ZNF615: variants seen among roughly 807,000 people sequenced by gnomAD.
ZNF615 encodes the protein zinc finger protein 615.
Under a neutral mutation model 15.3 loss-of-function variants are expected in ZNF615, and 15 were observed. The observed-to-expected ratio is 0.98, with a 90% CI of 0.66 to 1.51. The LOEUF (loss-of-function observed/expected upper bound fraction) is 1.51. Among genes scored for constraint, ZNF615 ranks in the 40% most tolerant of loss-of-function variants. ZNF615 has a pLI of 0.00. For synonymous variants in ZNF615, 268 were observed against 294.6 expected, an observed-to-expected ratio of 0.91 and a Z score of 0.92; for missense variants, 848 against 895.9, an observed-to-expected ratio of 0.95 and a Z score of 0.68.
At chr19:52,001,165 CGGAGAGGCCT>C (rs1429416122) in intron 5 of ZNF615, among the ~76,000 whole-genome samples, 1 of 151,826 alleles carries the variant, frequency 6.6e-6, no homozygotes, top group East Asian at 1.9e-4. Flanking sequence ...TCTCTCTTTC[CGGAGAGGCCT>C]GGAAAATGGA....
chr19:52,002,565 C>T (rs1166161909), intron 3 of ZNF615: 2 of 492,762 alleles, frequency 4.1e-6, no homozygotes, highest in Non-Finnish European at 7.9e-6. Context: ...TTTCCCAATA[C>T]CAAACTAGTC....
At chr19:52,003,317 T>C (rs1054211378) in intron 3 of ZNF615, among the ~76,000 whole-genome samples, 19 of 152,170 alleles carry the variant, frequency 1.2e-4, no homozygotes. Context: ...CCACCTACCA[T>C]AACACCTCCG....
chr19:51,994,786 A>G lies in ZNF615; in HGVS notation c.323T>C (p.Ile108Thr). ...PLQHHLQNQS[I>T]QKSVKQCHEQ... Reference sequence around the variant, plus strand: ...ATGGCACTGTTTCACACTCTTCTGAATACTTTGATTTTGCAAGTGATGCTG... The same window carrying G: ...ATGGCACTGTTTCACACTCTTCTGAGTACTTTGATTTTGCAAGTGATGCTG... The change falls in exon 7 of 7, where the codon ATT becomes ACT. Residue 108 changes from isoleucine (I) to threonine (T), a missense_variant. Coordinates refer to ENST00000598071, the MANE Select transcript of ZNF615 (RefSeq NM_001199324.2). 1 of 1,603,602 alleles carries G rather than the reference A, an allele frequency of 6.2e-7. No homozygotes were observed. The highest frequency in any genetic ancestry group is 1.1e-5 in the South Asian group (1 of 88,170).
intron 3 of ZNF615, 139 bp downstream of exon 3, chr19:52,003,558 C>T: frequency 1.3e-6 from 1 of 750,010 alleles, no homozygotes; most frequent in Non-Finnish European, 2.2e-6. Flanking sequence ...AATAATATAT[C>T]CCTGATCCTT....
chr19:52,006,670 T>TG lies in ZNF615; in HGVS notation c.-190+622_-190+623insC, dbSNP rs201192487. On this transcript the variant is annotated intron_variant, in intron 2 of 6. Coordinates refer to ENST00000598071, the MANE Select transcript of ZNF615 (RefSeq NM_001199324.2). ...AAATCGACAACAAATAAGGAATGATTCACAAACAGAGGAATGGATGAATAC... is the reference window on the plus strand; with the variant it reads ...AAATCGACAACAAATAAGGAATGATTGCACAAACAGAGGAATGGATGAATAC... 8.5e-3 allele frequency among the ~76,000 whole-genome samples: 1,287 copies of TG among 152,296 alleles called. 13 individuals carry two copies. Among genetic ancestry groups the TG allele is most frequent in the Admixed American group, 0.017 (258 of 15,298 alleles).
At chr19:52,000,305 A>T (rs1481405312) in intron 6 of ZNF615, 41 bp downstream of exon 6, 3 of 596,246 alleles carry the variant, frequency 5.0e-6, no homozygotes, top group Admixed American at 2.3e-5. Flanking sequence ...TTGAGCTTCT[A>T]GTGAATCCTC....
intron 5 of ZNF615, 181 bp downstream of exon 5, chr19:52,001,632 A>G (rs1048190086): frequency 3.3e-5 from 19 of 573,244 alleles, no homozygotes; most frequent in Middle Eastern, 9.3e-4. Context: ...AAAAAAAAAA[A>G]AAAGAAAAGA....
intron 6 of ZNF615, among the ~76,000 whole-genome samples, chr19:51,996,581 T>A (rs1378581867): frequency 6.6e-6 from 1 of 152,048 alleles, no homozygotes. Flanking sequence ...GTTGAATATA[T>A]AAATCTCGAA....
At chr19:52,001,246 CAGATTTGAAA>C (rs2123056824) in intron 5 of ZNF615, among the ~76,000 whole-genome samples, 1 of 152,060 alleles carries the variant, frequency 6.6e-6, no homozygotes, top group Non-Finnish European at 1.5e-5. Context: ...CAAGAAAAGG[CAGATTTGAAA>C]ATCCTAAGAA....
At position 51,992,635 on chromosome 19, in the gene ZNF615, G is replaced by T; in HGVS notation, c.*245C>A. 2.0e-6 allele frequency: 1 copy of T among 495,682 alleles called. No individual in the cohort carries two copies. The allele number at this position is 495,682 out of a possible 1,614,324, so 30.7% of individuals were successfully genotyped here. A position where few individuals can be genotyped will look rare whatever the true frequency, so the allele number is the denominator to read the frequency against. On this transcript the variant is annotated 3_prime_UTR_variant, in exon 7 of 7. Coordinates refer to ENST00000598071, the MANE Select transcript of ZNF615 (RefSeq NM_001199324.2). ...ATTCATGATCTATGATCACTTCTGA[G>T]GGGGTTTATCTTCCCACCAAAGGCT...
chr19:52,005,562 T>C (rs978713176), intron 2 of ZNF615, among the ~76,000 whole-genome samples: 1 of 152,194 alleles, frequency 6.6e-6, no homozygotes, highest in African/African-American at 2.4e-5. Flanking sequence ...AAAACTTTAT[T>C]AACAGAAACA....
intron 6 of ZNF615, among the ~76,000 whole-genome samples, chr19:51,996,171 CAT>C (rs2086420560): frequency 6.6e-6 from 1 of 152,008 alleles, no homozygotes; most frequent in African/African-American, 2.4e-5. Context: ...GGGTAGATCA[CAT>C]GAGGCCAGGA....
Position 51,994,107 on chromosome 19 carries a change from C to A in ZNF615, c.1002G>T (p.Lys334Asn), listed in dbSNP as rs1331023289. ...EKPHGCSVCGKAFSTKFSLTT... is the reference protein window; with the variant it reads ...EKPHGCSVCGNAFSTKFSLTT... The stretch of plus-strand genomic sequence containing the variant: ...TGAGACTGAACTTTGTAGAGAAGGC[C>A]TTCCCACATACACTGCATCCATGGG... The change falls in exon 7 of 7, where the codon AAG becomes AAT. Residue 334 changes from lysine (K) to asparagine (N), a missense_variant. By Grantham distance (94) the Lys-to-Asn change is moderately conservative. Transcript: ENST00000598071. 6.2e-7 allele frequency: 1 copy of A among 1,613,662 alleles called. No homozygotes were observed. Among genetic ancestry groups the A allele is most frequent in the South Asian group, 1.1e-5 (1 of 91,058 alleles).
chr19:52,006,436 A>G (rs1297443821), intron 2 of ZNF615, among the ~76,000 whole-genome samples: 1 of 152,228 alleles, frequency 6.6e-6, no homozygotes, highest in Non-Finnish European at 1.5e-5. Context: ...AAGAAGCAGA[A>G]TCAGGGCTGA....
intron 6 of ZNF615, among the ~76,000 whole-genome samples, chr19:51,998,889 A>C (rs1334447126): frequency 6.6e-6 from 1 of 152,146 alleles, no homozygotes; most frequent in Non-Finnish European, 1.5e-5. Context: ...TCCTGAACTC[A>C]AGTGATCCAT....
chr19:52,008,209 G>C lies in ZNF615; in HGVS notation c.-296C>G. The C allele has an allele frequency of 6.5e-7, 1 of 1,526,980 alleles. No individual in the cohort carries two copies. The highest frequency in any genetic ancestry group is 8.8e-7 in the Non-Finnish European group (1 of 1,142,190). 94.6% of individuals were successfully genotyped at this position (1,526,980 alleles called of 1,614,324 possible). On this transcript the variant is annotated 5_prime_UTR_variant, in exon 1 of 7. Transcript: ENST00000598071. ...CAGTGCCTGACGGCGACTATCCAGG[G>C]TCGGAGGCGTTCCCAGCGTTTGCGC... is the stretch of plus-strand genomic sequence containing the variant.
chr19:52,002,676 T>C (rs2086634484), intron 3 of ZNF615, among the ~76,000 whole-genome samples: 1 of 152,190 alleles, frequency 6.6e-6, no homozygotes, highest in Non-Finnish European at 1.5e-5. Flanking sequence ...ACATGGCAGA[T>C]GCTAGTATCA....
At chr19:51,994,920 T>TGTGAG in intron 6 of ZNF615, 83 bp from the exon 7 acceptor site, 2 of 1,312,186 alleles carry the variant, frequency 1.5e-6, no homozygotes, top group Non-Finnish European at 2.0e-6. Flanking sequence ...ACTGCCTTGG[T>TGTGAG]GTGAGGTGAC....
Position 51,994,698 on chromosome 19 carries a change from A to G in ZNF615, c.411T>C (p.Asp137=), listed in dbSNP as rs1287930474. Residue 137 remains aspartate, a synonymous_variant, in exon 7 of 7, where the codon GAT becomes GAC. Coordinates refer to ENST00000598071, the MANE Select transcript of ZNF615 (RefSeq NM_001199324.2). ...QNKGHFLLKQ[D]CDTFDLHEKP... ...TTTCATGTAAGTCAAACGTATCACA[A>G]TCTTGCTTCAGCAGGAAATGACCTT... The G allele has an allele frequency of 3.1e-6, 5 of 1,613,560 alleles. No individual in the cohort carries two copies. The highest frequency in any genetic ancestry group is 4.2e-6 in the Non-Finnish European group (5 of 1,179,984).
Sources: allele counts gnomAD v4.1 joint callset (sites outside exome capture counted in the v4.1 genomes callset), GRCh38; gene constraint gnomAD v4.1.1; transcripts MANE v1.5; gene names NCBI Gene and HGNC (gene_info 2026-07-23, HGNC 2026-07-21).